Variants in SHROOM3 observed in about 807,000 individuals in gnomAD.
The protein encoded by SHROOM3 is protein Shroom3.
A neutral mutation model predicts 138.6 loss-of-function variants in SHROOM3; 47 were observed. The ratio of observed to expected loss-of-function variants is 0.34; its 90% confidence interval spans 0.27 to 0.43. SHROOM3 has a LOEUF of 0.43. Ranked by LOEUF, SHROOM3 falls within the 20% of genes least tolerant of loss-of-function variation. SHROOM3 has a pLI of 1.00. For missense variants in SHROOM3, 2,491 were observed against 2,596.5 expected (o/e 0.96, Z 0.88); for synonymous variants, 1,062 against 1,063.3 (o/e 1.00, Z 0.02).
At chr4:76,542,450 T>C (rs1733124015) in intron 1 of SHROOM3, among the ~76,000 whole-genome samples, 1 of 152,208 alleles carries the variant, frequency 6.6e-6, no homozygotes, top group African/African-American at 2.4e-5. Context: ...GACCTCTAGA[T>C]TGGGGAGATT....
At position 76,741,812 on chromosome 4, in the gene SHROOM3, G is replaced by T. The variant is rs1721266625; in HGVS notation, c.3639G>T (p.Gly1213=). 3.1e-6 allele frequency: 5 copies of T among 1,588,326 alleles called. No homozygotes were observed. The highest frequency in any genetic ancestry group is 4.3e-6 in the Non-Finnish European group (5 of 1,167,920). The part of the protein sequence containing the change: ...DETPREPSSW[G]ARAGKSMSAE... ...CCCCCAGGGAGCCATCCTCCTGGGG[G>T]GCCAGGGCCGGGAAGTCCATGTCGG... The change falls in exon 5 of 11, where the codon GGG becomes GGT. Residue 1213 remains glycine, a synonymous_variant. Coordinates refer to ENST00000296043, the MANE Select transcript of SHROOM3 (RefSeq NM_020859.4). The surrounding 1 kb of genome is among the most constrained non-coding windows in gnomAD (Gnocchi z 6.2).
chr4:76,530,662 A>G (rs1388762839), intron 1 of SHROOM3, among the ~76,000 whole-genome samples: 1 of 152,236 alleles, frequency 6.6e-6, no homozygotes, highest in East Asian at 1.9e-4. Context: ...ACTTGGAGGA[A>G]GAAACCCCAG....
At chr4:76,735,854 AAAAAAAAAAAAAAAATATATAT>A (rs1272476658) in intron 4 of SHROOM3, among the ~76,000 whole-genome samples, 35 of 56,722 alleles carry the variant, frequency 6.2e-4, no homozygotes, top group African/African-American at 1.9e-3. Context: ...AAAAAAAAAA[AAAAAAAAAAAAAAAATATATAT>A]ATATATATAT....
intron 3 of SHROOM3, among the ~76,000 whole-genome samples, chr4:76,712,956 A>G (rs1720274159): frequency 1.3e-5 from 2 of 152,252 alleles, no homozygotes; most frequent in African/African-American, 4.8e-5. Context: ...CAATTGTCAC[A>G]CAATGGTAAG....
At chr4:76,681,625 G>GTGTGTGTGTGTATATGTA (rs150048957) in intron 2 of SHROOM3, among the ~76,000 whole-genome samples, 1 of 117,886 alleles carries the variant, frequency 8.5e-6, no homozygotes. Context: ...GTGTGTGTGT[G>GTGTGTGTGTGTATATGTA]TGTGTGTGTA....
At chr4:76,485,094 C>A (rs1731700755) in intron 1 of SHROOM3, among the ~76,000 whole-genome samples, 1 of 152,196 alleles carries the variant, frequency 6.6e-6, no homozygotes, top group African/African-American at 2.4e-5. Context: ...CATCCTGTTT[C>A]AACAATTCAG....
intron 2 of SHROOM3, among the ~76,000 whole-genome samples, chr4:76,623,038 AC>A (rs1735043262): frequency 6.6e-6 from 1 of 152,218 alleles, no homozygotes; most frequent in African/African-American, 2.4e-5. Flanking sequence ...TTTACAGCAT[AC>A]CACTGTTTAC....
chr4:76,477,710 G>C (rs185626265), intron 1 of SHROOM3, among the ~76,000 whole-genome samples: 217 of 152,264 alleles, frequency 1.4e-3, no homozygotes, highest in African/African-American at 5.0e-3. Context: ...GAACAGCTCT[G>C]GTCTGCAGCT....
intron 1 of SHROOM3, among the ~76,000 whole-genome samples, chr4:76,553,783 C>T (rs1320498464): frequency 6.6e-6 from 1 of 152,206 alleles, no homozygotes; most frequent in Non-Finnish European, 1.5e-5. Flanking sequence ...AGGCGTGAGC[C>T]ACTGTGCCCA....
chr4:76,639,782 C>A lies in SHROOM3; in HGVS notation c.324-70374C>A, dbSNP rs148611387. The A allele has an allele frequency of 3.4e-3, 1,343 of 394,828 alleles. 11 individuals carry two copies. Among genetic ancestry groups the A allele is most frequent in the Middle Eastern group, 0.026 (40 of 1,568 alleles). The allele number at this position is 394,828 out of a possible 1,614,324, so 24.5% of individuals were successfully genotyped here. On this transcript the variant is annotated intron_variant, in intron 2 of 10. Transcript: ENST00000296043. ...CCGTTAAGTAAATGGGAAGTTCTTA[C>A]TTGGCACACAAGAATAAAATGAATG...
At chr4:76,445,559 C>CT (rs1382308258) in intron 1 of SHROOM3, among the ~76,000 whole-genome samples, 1 of 152,010 alleles carries the variant, frequency 6.6e-6, no homozygotes, top group African/African-American at 2.4e-5. Flanking sequence ...GTAGGAGAGT[C>CT]TTAGAAAGTT....
intron 2 of SHROOM3, among the ~76,000 whole-genome samples, chr4:76,649,063 A>G (rs1327755110): frequency 6.6e-6 from 1 of 152,216 alleles, no homozygotes; most frequent in African/African-American, 2.4e-5. Context: ...AGGTATATGT[A>G]ATTATATAGT....
chr4:76,507,729 A>G (rs774153541), intron 1 of SHROOM3, among the ~76,000 whole-genome samples: 2 of 151,766 alleles, frequency 1.3e-5, no homozygotes, highest in Non-Finnish European at 2.9e-5. Flanking sequence ...TATTTTTAGT[A>G]GAGTCAGGGT....
intron 2 of SHROOM3, among the ~76,000 whole-genome samples, chr4:76,654,181 G>A (rs1486587018): frequency 2.0e-5 from 3 of 152,152 alleles, no homozygotes; most frequent in Admixed American, 1.3e-4. Flanking sequence ...TGAAGCAGAG[G>A]CATAATTCAG....
chr4:76,480,328 CA>C (rs1278134752), intron 1 of SHROOM3, among the ~76,000 whole-genome samples: 2 of 152,116 alleles, frequency 1.3e-5, no homozygotes, highest in Non-Finnish European at 2.9e-5. Flanking sequence ...AAAGGAAAAG[CA>C]GGGGTTGCAA....
intron 5 of SHROOM3, 181 bp downstream of exon 5, chr4:76,742,107 TATAAAG>T (rs1194829957): frequency 1.3e-6 from 1 of 786,636 alleles, no homozygotes; most frequent in Non-Finnish European, 2.2e-6. Context: ...CTGGTTTCCT[TATAAAG>T]ATATAGGTAT....
At chr4:76,654,917 A>C (rs13108785) in intron 2 of SHROOM3, among the ~76,000 whole-genome samples, 47,201 of 152,060 alleles carry the variant, frequency 0.31, 7,452 homozygotes, top group East Asian at 0.43. Flanking sequence ...TATTGAGTAG[A>C]GAAGCCAGGA....
intron 2 of SHROOM3, among the ~76,000 whole-genome samples, chr4:76,582,507 C>T (rs541147963): frequency 2.1e-4 from 32 of 152,242 alleles, no homozygotes; most frequent in South Asian, 4.1e-4. Context: ...AAAAGACCAG[C>T]GGAAATCTGG....
chr4:76,631,203 C>CTTTTTTT (rs71212436), intron 2 of SHROOM3, among the ~76,000 whole-genome samples: 31 of 104,204 alleles, frequency 3.0e-4, no homozygotes, highest in Non-Finnish European at 4.1e-4. Context: ...TTTTTTTAAT[C>CTTTTTTT]TTTTTTTTTT....
Sources: allele counts gnomAD v4.1 joint callset (sites outside exome capture counted in the v4.1 genomes callset), GRCh38; gene constraint gnomAD v4.1.1; non-coding constraint Gnocchi (gnomAD v3.1); transcripts MANE v1.5; gene names NCBI Gene and HGNC (gene_info 2026-07-23, HGNC 2026-07-21).